ZBTB43: variants seen among roughly 807,000 people sequenced by gnomAD.
ZBTB43 encodes the protein zinc finger and BTB domain containing 43.
A neutral mutation model predicts 31.1 loss-of-function variants in ZBTB43; 6 were observed. The ratio of observed to expected loss-of-function variants is 0.19; its 90% confidence interval spans 0.11 to 0.38. ZBTB43 has a LOEUF of 0.38. Ranked by LOEUF, ZBTB43 falls within the 10% of genes least tolerant of loss-of-function variation. ZBTB43 has a pLI of 1.00. For synonymous variants in ZBTB43, 212 were observed against 221.7 expected, an observed-to-expected ratio of 0.96 and a Z score of 0.39; for missense variants, 379 against 602.1, an observed-to-expected ratio of 0.63 and a Z score of 3.88.
In ZBTB43 at chr9:126,832,484, T is replaced by C; in HGVS notation, c.-23-3T>C. 1 of 1,585,472 alleles carries C rather than the reference T, an allele frequency of 6.3e-7. No individual in the cohort carries two copies. Among genetic ancestry groups the C allele is most frequent in the Non-Finnish European group, 8.6e-7 (1 of 1,163,590 alleles). On this transcript the variant is annotated splice_polypyrimidine_tract_variant and splice_region_variant and intron_variant, in intron 2 of 2. Transcript: ENST00000373464. ...TTTGTACTAATTTTTCTTTCTCTTG[T>C]AGCACCGAACAAGATTTGTGATGAA...
intron 2 of ZBTB43, among the ~76,000 whole-genome samples, chr9:126,816,861 C>T (rs762041524): frequency 1.5e-4 from 23 of 152,270 alleles, no homozygotes; most frequent in South Asian, 6.2e-4. Flanking sequence ...CCTGGGGCTA[C>T]GGAGTCCCAC....
chr9:126,833,942 C>T lies in ZBTB43; in HGVS notation c.*29C>T, dbSNP rs2032826295. On this transcript the variant is annotated 3_prime_UTR_variant, in exon 3 of 3. Coordinates refer to ENST00000373464, the MANE Select transcript of ZBTB43 (RefSeq NM_014007.4). The surrounding 1 kb of genome is among the most constrained non-coding windows in gnomAD (Gnocchi z 7.9). ...TAGGATCTGGCCCTTGAGTGGCATG[C>T]ACAAAAATAAACTATGGTAATTAAT... 2 of 1,532,550 alleles carry T rather than the reference C, an allele frequency of 1.3e-6. No individual in the cohort carries two copies. Among genetic ancestry groups the T allele is most frequent in the African/African-American group, 1.4e-5 (1 of 72,836 alleles). 94.9% of individuals were successfully genotyped at this position (1,532,550 alleles called of 1,614,324 possible).
intron 2 of ZBTB43, among the ~76,000 whole-genome samples, chr9:126,827,345 C>T (rs1263486442): frequency 2.0e-5 from 3 of 152,204 alleles, no homozygotes; most frequent in African/African-American, 7.2e-5. Flanking sequence ...GGCCAAAACG[C>T]ACAAGCGCAC....
chr9:126,815,243 TATATATATATA>T (rs2032351774), intron 2 of ZBTB43, among the ~76,000 whole-genome samples: 2 of 27,706 alleles, frequency 7.2e-5, no homozygotes, highest in Admixed American at 6.6e-4. Flanking sequence ...TATATAAAAC[TATATATATATA>T]GTTTTCAATA....
chr9:126,808,451 G>A (rs2032174243), intron 1 of ZBTB43, among the ~76,000 whole-genome samples: 1 of 152,200 alleles, frequency 6.6e-6, no homozygotes, highest in Non-Finnish European at 1.5e-5. Context: ...GAGACCAATA[G>A]CACTGTTCCA....
rs375935070 is a variant in ZBTB43, at chr9:126,815,804, AC to A, written c.-24+6894del. Among the ~76,000 whole-genome samples the A allele has an allele frequency of 7.0e-4, 102 of 146,620 alleles. 1 individual carries two copies. The highest frequency in any genetic ancestry group is 7.0e-3 in the Middle Eastern group (2 of 286). ...GATCTGTTTCTGTTGATTGATTCCC[AC>A]CCCCACCTCAGTATCCTGGGTTATA... On this transcript the variant is annotated intron_variant, in intron 2 of 2. Transcript: ENST00000373464.
At chr9:126,808,171 A>G (rs2032168410) in intron 1 of ZBTB43, among the ~76,000 whole-genome samples, 1 of 152,138 alleles carries the variant, frequency 6.6e-6, no homozygotes, top group Non-Finnish European at 1.5e-5. Flanking sequence ...AATTCAATGG[A>G]AGGATGATCG....
chr9:126,824,164 T>C (rs565761229), intron 2 of ZBTB43, among the ~76,000 whole-genome samples: 10 of 152,152 alleles, frequency 6.6e-5, no homozygotes, highest in African/African-American at 1.9e-4. Flanking sequence ...GTAACTGGGA[T>C]TACAGGTGCG....
chr9:126,818,919 G>A (rs1225838480), intron 2 of ZBTB43, among the ~76,000 whole-genome samples: 1 of 152,198 alleles, frequency 6.6e-6, no homozygotes, highest in Non-Finnish European at 1.5e-5. Flanking sequence ...TTTTAGAAAA[G>A]TTTGAGAAGG....
At chr9:126,827,569 G>A (rs2032669810) in intron 2 of ZBTB43, among the ~76,000 whole-genome samples, 1 of 152,186 alleles carries the variant, frequency 6.6e-6, no homozygotes, top group African/African-American at 2.4e-5. Flanking sequence ...GCCTGAAATC[G>A]TGATTTTGAT....
intron 1 of ZBTB43, among the ~76,000 whole-genome samples, chr9:126,805,434 C>G (rs2032102068): frequency 6.6e-6 from 1 of 152,234 alleles, no homozygotes; most frequent in Admixed American, 6.5e-5. Flanking sequence ...AGATCCCGCC[C>G]CCGTCCGTCC....
intron 2 of ZBTB43, among the ~76,000 whole-genome samples, chr9:126,815,357 AAT>A (rs199590783): frequency 4.2e-5 from 6 of 142,674 alleles, no homozygotes; most frequent in African/African-American, 5.1e-5. Context: ...AATATATAAA[AAT>A]ATATATATAT....
Position 126,827,432 on chromosome 9 carries a change from C to T in ZBTB43, c.-23-5055C>T, listed in dbSNP as rs562487596. On this transcript the variant is annotated intron_variant, in intron 2 of 2. Transcript: ENST00000373464. ...CTGCTGTGGGAACACAGGCCACCTT[C>T]CTGCAGGCTGTGTGTGGCAGGGCTG... Among the ~76,000 whole-genome samples, 3 of 152,334 alleles carry T rather than the reference C, an allele frequency of 2.0e-5. No individual in the cohort carries two copies. In the South Asian group the frequency reaches 6.2e-4, roughly 32 times the overall value.
chr9:126,819,224 G>T lies in ZBTB43; in HGVS notation c.-24+10309G>T, dbSNP rs529166377. On this transcript the variant is annotated intron_variant, in intron 2 of 2. Transcript: ENST00000373464. ...CCTGGAGAATGTACTGTGTGCACTTGGTGGCTGACATGTCCTATACAGGCA... is the reference window on the plus strand; with the variant it reads ...CCTGGAGAATGTACTGTGTGCACTTTGTGGCTGACATGTCCTATACAGGCA... Among the ~76,000 whole-genome samples the T allele has an allele frequency of 4.0e-5, 6 of 150,374 alleles. No homozygotes were observed. In the East Asian group the frequency reaches 1.2e-3, roughly 29 times the overall value.
rs924712879 is a variant in ZBTB43 at position 126,833,389 on chromosome 9, G to A, written c.880G>A (p.Gly294Arg). 5.6e-6 allele frequency: 9 copies of A among 1,613,654 alleles called. No homozygotes were observed. The highest frequency in any genetic ancestry group is 1.7e-5 in the Admixed American group (1 of 59,928). The change falls in exon 3 of 3, where the codon GGG becomes AGG. Residue 294 changes from glycine (G) to arginine (R), a missense_variant. Coordinates refer to ENST00000373464, the MANE Select transcript of ZBTB43 (RefSeq NM_014007.4). This position sits in a 1 kb window ranked among gnomAD's most constrained non-coding sequence, Gnocchi z 7.9. ...PSGVEEDFHI[G>R]EKKVEAEFDE... ...GGGAGTGGAGGAGGACTTCCACATC[G>A]GGGAGAAGAAAGTGGAAGCTGAGTT...
chr9:126,827,751 T>G (rs113777359), intron 2 of ZBTB43, among the ~76,000 whole-genome samples: 4,860 of 152,296 alleles, frequency 0.032, 256 homozygotes, highest in African/African-American at 0.11. Context: ...CTCACGCCTG[T>G]AATCCCAGTA....
At chr9:126,828,971 A>C (rs543609817) in intron 2 of ZBTB43, among the ~76,000 whole-genome samples, 1 of 152,284 alleles carries the variant, frequency 6.6e-6, no homozygotes, top group South Asian at 2.1e-4. Flanking sequence ...ATTCATAATT[A>C]AGGAAATGCA....
Position 126,805,105 on chromosome 9 carries a change from G to C in ZBTB43, c.-174G>C, listed in dbSNP as rs914348458. 1 of 152,574 alleles carries C rather than the reference G, an allele frequency of 6.6e-6. No homozygotes were observed. The highest frequency in any genetic ancestry group is 2.4e-5 in the African/African-American group (1 of 41,482). The allele number at this position is 152,574 out of a possible 1,614,324, so 9.5% of individuals were successfully genotyped here. On this transcript the variant is annotated 5_prime_UTR_variant, in exon 1 of 3. Coordinates refer to ENST00000373464, the MANE Select transcript of ZBTB43 (RefSeq NM_014007.4). Reference sequence around the variant, plus strand: ...GGCGGCAGAGAGGATATCTTGGGCGGGGGATGTGAGCGCTGAGCCCTTGGC... The same window carrying C: ...GGCGGCAGAGAGGATATCTTGGGCGCGGGATGTGAGCGCTGAGCCCTTGGC...
Position 126,834,700 on chromosome 9 carries a change from T to C in ZBTB43, c.*787T>C, listed in dbSNP as rs2032843676. The C allele has an allele frequency of 6.0e-6, 1 of 167,046 alleles. No individual in the cohort carries two copies. The highest frequency in any genetic ancestry group is 2.4e-5 in the African/African-American group (1 of 41,462). The allele number at this position is 167,046 out of a possible 1,614,324, so 10.3% of individuals were successfully genotyped here. A position where few individuals can be genotyped will look rare whatever the true frequency, so the allele number is the denominator to read the frequency against. On this transcript the variant is annotated 3_prime_UTR_variant, in exon 3 of 3. Coordinates refer to ENST00000373464, the MANE Select transcript of ZBTB43 (RefSeq NM_014007.4). ...ATAGGTATTTCTCATTGGTTTGCTT[T>C]CCCAAATCCTGTTTGGTTAATTGTA...
Sources: allele counts gnomAD v4.1 joint callset (sites outside exome capture counted in the v4.1 genomes callset), GRCh38; gene constraint gnomAD v4.1.1; non-coding constraint Gnocchi (gnomAD v3.1); transcripts MANE v1.5; gene names NCBI Gene and HGNC (gene_info 2026-07-23, HGNC 2026-07-21).